RNF40: variants seen among roughly 807,000 people sequenced by gnomAD.
RNF40 encodes E3 ubiquitin-protein ligase BRE1B.
RNF40 carries 39 observed loss-of-function variants against 123.3 expected under a neutral mutation model. The ratio of observed to expected loss-of-function variants is 0.32; its 90% CI spans 0.24 to 0.41. The LOEUF (loss-of-function observed/expected upper bound fraction) is 0.41. RNF40 is among the 10% of genes least tolerant of loss of function. The probability of loss-of-function intolerance (pLI) is 1.00; values close to 1 mark genes in which losing one functional copy is unlikely to be tolerated. For synonymous variants in RNF40, 538 were observed against 526.0 expected (o/e 1.02, Z -0.31); for missense variants, 1,003 against 1,319.9 (o/e 0.76, Z 3.72).
intron 15 of RNF40, 74 bp downstream of exon 15, chr16:30,769,061 C>T: frequency 1.2e-6 from 2 of 1,601,060 alleles, no homozygotes; most frequent in Non-Finnish European, 8.5e-7. Flanking sequence ...CCTCTAGTGC[C>T]TGCAGGACCT....
intron 5 of RNF40, 64 bp from the exon 6 acceptor site, chr16:30,764,874 G>C: frequency 6.4e-7 from 1 of 1,567,162 alleles, no homozygotes; most frequent in Non-Finnish European, 8.6e-7. Flanking sequence ...GCAGACTCCA[G>C]AATGAGTTAG....
rs1465498632 is a variant in RNF40 at position 30,766,926 on chromosome 16, G to T, written c.1429+50G>T. 5 of 1,596,776 alleles carry T rather than the reference G, an allele frequency of 3.1e-6. No individual in the cohort carries two copies. The highest frequency in any genetic ancestry group is 3.4e-6 in the Non-Finnish European group (4 of 1,170,996). ...GTGGGGCCTTATCTGGGAGTGCTGG[G>T]CCCTGGTGTGGGGCTGCTGCTTATC... On this transcript the variant is annotated intron_variant, in intron 11 of 19. Transcript: ENST00000324685. The surrounding 1 kb of genome is among the most constrained non-coding windows in gnomAD (Gnocchi z 5.4).
chr16:30,767,873 T>C (rs774211949), intron 11 of RNF40, 21 bp from the exon 12 acceptor site: 1 of 1,614,156 alleles, frequency 6.2e-7, no homozygotes, highest in Non-Finnish European at 8.5e-7. Context: ...CTGACACCTT[T>C]ACTTGCTGAT....
Position 30,768,653 on chromosome 16 carries a change from C to T in RNF40, c.2014C>T (p.Leu672=). Residue 672 remains leucine, a synonymous_variant, in exon 14 of 20, where the codon CTG becomes TTG. Transcript: ENST00000324685. The surrounding 1 kb of genome is among the most constrained non-coding windows in gnomAD (Gnocchi z 4.1). ...GGAGAGCCAGAAGGAGATGAAACTG[C>T]TGCTGGATATGTACAAGTCAGCGCC... The part of the protein sequence containing the change: ...AQESQKEMKL[L]LDMYKSAPKE... The T allele has an allele frequency of 1.2e-6, 2 of 1,614,230 alleles. No individual in the cohort carries two copies. The highest frequency in any genetic ancestry group is 1.1e-5 in the South Asian group (1 of 91,088).
chr16:30,766,536 T>C lies in RNF40; in HGVS notation c.1271T>C (p.Leu424Pro), dbSNP rs1196861538. The change falls in exon 10 of 20, where the codon CTG becomes CCG. Residue 424 changes from leucine to proline, a missense_variant. This residue lies in a region of RNF40 where 274 missense variants were observed against 356.9 expected (regional missense o/e 0.77). Coordinates refer to ENST00000324685, the MANE Select transcript of RNF40 (RefSeq NM_014771.4). The surrounding 1 kb of genome is among the most constrained non-coding windows in gnomAD (Gnocchi z 5.4). ...GLLLATKNSHLRHIEHMESDE... is the reference protein window; with the variant it reads ...GLLLATKNSHPRHIEHMESDE... ...CTGCTGGCCACAAAGAACTCCCACCTGCGACACATCGAGCACATGGAGGTA... is the reference window on the plus strand; with the variant it reads ...CTGCTGGCCACAAAGAACTCCCACCCGCGACACATCGAGCACATGGAGGTA... The C allele has an allele frequency of 1.2e-6, 2 of 1,611,872 alleles. No homozygotes were observed. Among genetic ancestry groups the C allele is most frequent in the South Asian group, 1.1e-5 (1 of 90,814 alleles).
chr16:30,765,124 CAG>C (rs1212502204), intron 6 of RNF40, 55 bp from the exon 7 acceptor site: 15 of 1,611,354 alleles, frequency 9.3e-6, no homozygotes, highest in Non-Finnish European at 1.3e-5. Context: ...GATGGGCACT[CAG>C]GGACCTCAGG....
Position 30,768,503 on chromosome 16 carries a change from T to C in RNF40, c.1952T>C (p.Leu651Pro), listed in dbSNP as rs369150602. The change falls in exon 13 of 20, where the codon CTC (leucine) becomes CCC (proline). Residue 651 changes from leucine to proline, a missense_variant. Physicochemically the swap from Leu to Pro is moderately conservative, Grantham distance 98 (BLOSUM62 -3). Transcript: ENST00000324685. This position sits in a 1 kb window ranked among gnomAD's most constrained non-coding sequence, Gnocchi z 4.1. ...GAAACCAAGCGGAAGGAATCAGAACTCCTCAAGGGTCTCCGAGCAGAGCTC... is the reference window on the plus strand; with the variant it reads ...GAAACCAAGCGGAAGGAATCAGAACCCCTCAAGGGTCTCCGAGCAGAGCTC... ...VEETKRKESE[L>P]LKGLRAELKK... 22 of 1,607,440 alleles carry C rather than the reference T, an allele frequency of 1.4e-5. No homozygotes were observed. Among genetic ancestry groups the C allele is most frequent in the Middle Eastern group, 3.3e-4 (2 of 6,062 alleles).
At position 30,768,091 on chromosome 16, in the gene RNF40, C is replaced by G; in HGVS notation, c.1552-12C>G. 6.2e-7 allele frequency: 1 copy of G among 1,612,252 alleles called. No homozygotes were observed. Among genetic ancestry groups the G allele is most frequent in the Non-Finnish European group, 8.5e-7 (1 of 1,178,660 alleles). The stretch of plus-strand genomic sequence containing the variant: ...CATCTGACTTCATCCCTCTTCCTCT[C>G]TGCCTTTGCAGCTCCGGGCCCAGGC... On this transcript the variant is annotated splice_polypyrimidine_tract_variant and intron_variant, in intron 12 of 19. Coordinates refer to ENST00000324685, the MANE Select transcript of RNF40 (RefSeq NM_014771.4). The surrounding 1 kb of genome is among the most constrained non-coding windows in gnomAD (Gnocchi z 4.1).
chr16:30,764,447 C>T (rs892756853), intron 5 of RNF40, 62 bp downstream of exon 5: 48 of 1,415,602 alleles, frequency 3.4e-5, no homozygotes, highest in Admixed American at 1.2e-4. Context: ...GATGGCACCC[C>T]TTCCTGATTC....
Position 30,765,517 on chromosome 16 carries a change from C to A in RNF40, c.993+18C>A, listed in dbSNP as rs756613096. 1 of 1,610,554 alleles carries A rather than the reference C, an allele frequency of 6.2e-7. No individual in the cohort carries two copies. Among genetic ancestry groups the A allele is most frequent in the East Asian group, 2.2e-5 (1 of 44,858 alleles). On this transcript the variant is annotated intron_variant, in intron 8 of 19. Coordinates refer to ENST00000324685, the MANE Select transcript of RNF40 (RefSeq NM_014771.4). ...TGCAGAAGGTGAGCGGCGTTTTCCT[C>A]CCACCCCTTCTCACAACCTCTTCTC...
At position 30,766,408 on chromosome 16, in the gene RNF40, A is replaced by T; in HGVS notation, c.1143A>T (p.Val381=). 1 of 1,613,706 alleles carries T rather than the reference A, an allele frequency of 6.2e-7. No individual in the cohort carries two copies. Among genetic ancestry groups the T allele is most frequent in the Non-Finnish European group, 8.5e-7 (1 of 1,179,766 alleles). The part of the protein sequence containing the change: ...KVALRSLPEE[V]VRETGEYRML... The stretch of plus-strand genomic sequence containing the variant: ...CCCTGCGGAGCCTTCCTGAGGAGGT[A>T]GTGCGGGAGACGGGGGAGTACCGCA... Residue 381 remains valine, a synonymous_variant, in exon 10 of 20, where the codon GTA becomes GTT. Coordinates refer to ENST00000324685, the MANE Select transcript of RNF40 (RefSeq NM_014771.4). The surrounding 1 kb of genome is among the most constrained non-coding windows in gnomAD (Gnocchi z 5.4).
chr16:30,762,277 T>TGGGG (rs141812412), upstream of RNF40: 52 of 401,360 alleles, frequency 1.3e-4, no homozygotes, highest in African/African-American at 1.1e-3. Flanking sequence ...TGCGCACCGT[T>TGGGG]GGGGGGGGGG....
chr16:30,772,341 G>C lies in RNF40; in HGVS notation c.2829+151G>C, dbSNP rs184864130. ...GTCACAGAGTCAAATGCTGTTTGCT[G>C]TACATGTACTGTGAGCCAGGCACAG... On this transcript the variant is annotated intron_variant, in intron 19 of 19. Coordinates refer to ENST00000324685, the MANE Select transcript of RNF40 (RefSeq NM_014771.4). 2,617 of 732,918 alleles carry C rather than the reference G, an allele frequency of 3.6e-3. 22 individuals carry two copies. Among genetic ancestry groups the C allele is most frequent in the Non-Finnish European group, 5.2e-3 (2,132 of 408,358 alleles). The allele number at this position is 732,918 out of a possible 1,614,324, so 45.4% of individuals were successfully genotyped here.
Position 30,770,119 on chromosome 16 carries a change from A to ATGGATTTTTTTTTTTTT in RNF40, c.2586+520_2586+521insGGATTTTTTTTTTTTTT, listed in dbSNP as rs144255833. On this transcript the variant is annotated intron_variant, in intron 17 of 19. Transcript: ENST00000324685. ...TGTCCCTAGGGAAAAAAAACAAAAG[A>ATGGATTTTTTTTTTTTT]TTTTTGAGTTGGAGTCTTGTTCTGT... Among the ~76,000 whole-genome samples the ATGGATTTTTTTTTTTTT allele has an allele frequency of 6.1e-5, 6 of 98,850 alleles. 1 individual carries two copies. The highest frequency in any genetic ancestry group is 2.7e-4 in the Admixed American group (2 of 7,530). The allele number at this position is 98,850 out of a possible 152,430, so 64.8% of individuals were successfully genotyped here. A position where few individuals can be genotyped will look rare whatever the true frequency, so the allele number is the denominator to read the frequency against.
intron 2 of RNF40, 177 bp downstream of exon 2, chr16:30,762,854 A>G (rs1362996157): frequency 2.3e-6 from 2 of 888,498 alleles, no homozygotes; most frequent in African/African-American, 3.4e-5. Flanking sequence ...CCCTTTACAG[A>G]TAGGAAAACA....
intron 2 of RNF40, 106 bp from the exon 3 acceptor site, chr16:30,763,012 C>T: frequency 8.1e-7 from 1 of 1,241,804 alleles, no homozygotes; most frequent in African/African-American, 1.5e-5. Context: ...GTGGGAATAC[C>T]TCCATCTCCC....
In RNF40 at chr16:30,774,517, A is replaced by G. The variant is rs975451424; in HGVS notation, c.*403A>G. On this transcript the variant is annotated 3_prime_UTR_variant, in exon 20 of 20. Coordinates refer to ENST00000324685, the MANE Select transcript of RNF40 (RefSeq NM_014771.4). ...CTCCCTGCCTACTGGCTCACAAATG[A>G]GGACCAGTGAGCCATGTCCTTGTTC... 16 of 215,214 alleles carry G rather than the reference A, an allele frequency of 7.4e-5. No homozygotes were observed. The highest frequency in any genetic ancestry group is 9.4e-6 in the Non-Finnish European group (1 of 105,952). The allele number at this position is 215,214 out of a possible 1,614,324, so 13.3% of individuals were successfully genotyped here.
At chr16:30,773,594 G>A (rs900598537) in intron 19 of RNF40, 10 of 225,264 alleles carry the variant, frequency 4.4e-5, no homozygotes, top group South Asian at 1.4e-4. Flanking sequence ...AGGTGAAGAG[G>A]TAGACAAGAT....
In RNF40 at chr16:30,766,959, A is replaced by G. The variant is rs569365892; in HGVS notation, c.1429+83A>G. 22 of 1,524,048 alleles carry G rather than the reference A, an allele frequency of 1.4e-5. No homozygotes were observed. In the East Asian group the frequency reaches 4.9e-4, roughly 34 times the overall value. The allele number at this position is 1,524,048 out of a possible 1,614,324, so 94.4% of individuals were successfully genotyped here. Reference sequence around the variant, plus strand: ...GTGGGGCTGCTGCTTATCCAGATGCAAGAGGCTAAGGCCTTTTTTTTCACA... The same window carrying G: ...GTGGGGCTGCTGCTTATCCAGATGCGAGAGGCTAAGGCCTTTTTTTTCACA... On this transcript the variant is annotated intron_variant, in intron 11 of 19. Coordinates refer to ENST00000324685, the MANE Select transcript of RNF40 (RefSeq NM_014771.4). The surrounding 1 kb of genome is among the most constrained non-coding windows in gnomAD (Gnocchi z 5.4).
Sources: allele counts gnomAD v4.1 joint callset (sites outside exome capture counted in the v4.1 genomes callset), GRCh38; gene constraint gnomAD v4.1.1; regional missense constraint gnomAD v4.1.1; non-coding constraint Gnocchi (gnomAD v3.1); transcripts MANE v1.5; gene names NCBI Gene and HGNC (gene_info 2026-07-23, HGNC 2026-07-21).